CHKA: variants seen among roughly 807,000 people sequenced by gnomAD.
CHKA encodes choline kinase alpha.
A neutral mutation model predicts 60.1 loss-of-function variants in CHKA; 34 were observed. That is an observed-to-expected ratio of 0.57 (90% confidence interval 0.43 to 0.75). The LOEUF (loss-of-function observed/expected upper bound fraction) is 0.75, where lower values mean the gene tolerates loss of function less well. Ranked by LOEUF, CHKA falls within the 30% of genes least tolerant of loss-of-function variation. The probability of loss-of-function intolerance (pLI) is 0.00; values close to 1 mark genes in which losing one functional copy is unlikely to be tolerated. For missense variants in CHKA, 563 were observed against 561.3 expected, an observed-to-expected ratio of 1.00 and a Z score of -0.03; for synonymous variants, 217 against 223.1, an observed-to-expected ratio of 0.97 and a Z score of 0.24.
chr11:68,108,092 G>A (rs767512458), intron 1 of CHKA, among the ~76,000 whole-genome samples: 5 of 152,144 alleles, frequency 3.3e-5, no homozygotes, highest in African/African-American at 4.8e-5. Context: ...GAAGGAGAAC[G>A]TGGGCATCAC....
At chr11:68,064,957 C>T (rs1856390979) in intron 9 of CHKA, among the ~76,000 whole-genome samples, 1 of 152,290 alleles carries the variant, frequency 6.6e-6, no homozygotes, top group African/African-American at 2.4e-5. Flanking sequence ...TACTCAGCTT[C>T]AGCACCGCTA....
At chr11:68,057,250 C>T (rs1209876552) in intron 11 of CHKA, among the ~76,000 whole-genome samples, 1 of 151,618 alleles carries the variant, frequency 6.6e-6, no homozygotes, top group African/African-American at 2.4e-5. Flanking sequence ...CAGCAACTTA[C>T]TCTATTTTTT....
intron 1 of CHKA, among the ~76,000 whole-genome samples, chr11:68,101,689 C>G (rs546235105): frequency 1.3e-5 from 2 of 151,290 alleles, no homozygotes; most frequent in East Asian, 3.9e-4. Flanking sequence ...AGAAATTTAA[C>G]CAAGGAGGTG....
intron 1 of CHKA, among the ~76,000 whole-genome samples, chr11:68,100,865 G>A (rs957885200): frequency 6.8e-5 from 10 of 147,756 alleles, no homozygotes; most frequent in Non-Finnish European, 1.0e-4. Flanking sequence ...AGTGGTGCAC[G>A]CATCACTAAC....
In CHKA at chr11:68,053,905, C is replaced by T. The variant is rs1855895051; in HGVS notation, c.*83G>A. On this transcript the variant is annotated 3_prime_UTR_variant, in exon 12 of 12. Coordinates refer to ENST00000265689, the MANE Select transcript of CHKA (RefSeq NM_001277.3). ...CACCCAAAGCCTCCTGCCACAGGAG[C>T]AGTAGTCGAAGCACAGAGGGGACCC... The T allele has an allele frequency of 6.3e-6, 7 of 1,118,768 alleles. No homozygotes were observed. In the South Asian group the frequency reaches 9.1e-5, roughly 15 times the overall value. The allele number at this position is 1,118,768 out of a possible 1,614,324, so 69.3% of individuals were successfully genotyped here.
chr11:68,081,323 C>T (rs1269079184), intron 3 of CHKA, 81 bp downstream of exon 3: 22 of 1,108,782 alleles, frequency 2.0e-5, no homozygotes, highest in Non-Finnish European at 2.7e-5. Context: ...AGATAAGAGG[C>T]ACTGCCAAGC....
rs1858612417 is a variant in CHKA, at chr11:68,120,879, G to C, written c.299C>G (p.Pro100Arg). 4 of 1,356,944 alleles carry C rather than the reference G, an allele frequency of 2.9e-6. No homozygotes were observed. Among genetic ancestry groups the C allele is most frequent in the Non-Finnish European group, 2.9e-6 (3 of 1,040,860 alleles). 84.1% of individuals were successfully genotyped at this position (1,356,944 alleles called of 1,614,324 possible). Reference protein sequence around the residue: ...RAYLWCKEFLPGAWRGLREDE... With the variant: ...RAYLWCKEFLRGAWRGLREDE... ...CTCGCGGAGGCCCCGCCAGGCGCCG[G>C]GCAGGAACTCCTTGCACCACAGATA... The change falls in exon 1 of 12, where the codon CCC becomes CGC. Residue 100 changes from proline (P) to arginine (R), a missense_variant. Coordinates refer to ENST00000265689, the MANE Select transcript of CHKA (RefSeq NM_001277.3).
intron 1 of CHKA, among the ~76,000 whole-genome samples, chr11:68,119,062 C>G (rs1453996963): frequency 6.6e-6 from 1 of 152,202 alleles, no homozygotes; most frequent in Non-Finnish European, 1.5e-5. Flanking sequence ...CTGATGAGTA[C>G]ATGGCCTAAA....
intron 2 of CHKA, chr11:68,082,655 C>T (rs961394690): frequency 6.6e-6 from 1 of 152,428 alleles, no homozygotes; most frequent in African/African-American, 2.4e-5. Context: ...ACATTACAGA[C>T]GTTTTAATGC....
At chr11:68,113,289 TAAAAA>T (rs1858249346) in intron 1 of CHKA, among the ~76,000 whole-genome samples, 6 of 151,236 alleles carry the variant, frequency 4.0e-5, no homozygotes, top group Admixed American at 2.0e-4. Context: ...CTTAAAAAAA[TAAAAA>T]GGAAAAAGAA....
rs745705209 is a variant in CHKA at position 68,120,968 on chromosome 11, GGGCAGC to G, written c.204_209del (p.Leu69_Pro70del). On this transcript the variant is annotated inframe_deletion, in exon 1 of 12. Coordinates refer to ENST00000265689, the MANE Select transcript of CHKA (RefSeq NM_001277.3). Reference sequence around the variant, plus strand: ...CGGGCGGCTGCGGCGGCGGGGGCTGGGGCAGCGGCAGCGGCAGCGGCAGCGGCGGCG... The same window carrying G: ...CGGGCGGCTGCGGCGGCGGGGGCTGGGGCAGCGGCAGCGGCAGCGGCGGCG... The G allele has an allele frequency of 4.9e-4, 551 of 1,127,954 alleles. 3 individuals carry two copies. The East Asian group carries it at 8.3e-3, about 17-fold the overall frequency. The allele number at this position is 1,127,954 out of a possible 1,614,324, so 69.9% of individuals were successfully genotyped here.
At chr11:68,101,239 C>T (rs1731971527) in intron 1 of CHKA, among the ~76,000 whole-genome samples, 1 of 151,964 alleles carries the variant, frequency 6.6e-6, no homozygotes, top group African/African-American at 2.4e-5. Flanking sequence ...TGAGCCACCA[C>T]GCTGGTCCAA....
At chr11:68,099,332 A>C (rs1276405597) in intron 1 of CHKA, among the ~76,000 whole-genome samples, 6 of 152,266 alleles carry the variant, frequency 3.9e-5, no homozygotes. Context: ...TGTGAACTAT[A>C]TCTCATTTTC....
chr11:68,097,986 A>G (rs992601881), intron 1 of CHKA, among the ~76,000 whole-genome samples: 1 of 152,032 alleles, frequency 6.6e-6, no homozygotes, highest in Admixed American at 6.5e-5. Context: ...AAGACATTAC[A>G]GGAGGTCGGG....
At position 68,074,755 on chromosome 11, in the gene CHKA, CAT is replaced by C; in HGVS notation, c.590_591del (p.Tyr197TrpfsTer20). The C allele has an allele frequency of 6.2e-7, 1 of 1,614,172 alleles. No individual in the cohort carries two copies. Among genetic ancestry groups the C allele is most frequent in the Non-Finnish European group, 8.5e-7 (1 of 1,180,038 alleles). On this transcript the variant is annotated frameshift_variant, in exon 4 of 12. Transcript: ENST00000265689. LOFTEE classifies it high-confidence loss of function. ...LAERSLGPKL[Y>X]GIFPQGRLEQ... Reference sequence around the variant, plus strand: ...TCCAGTCGGCCTTGGGGAAAGATGCCATAGAGTTTTGGCCCAAGTGACCTCTC... The same window carrying C: ...TCCAGTCGGCCTTGGGGAAAGATGCCAGAGTTTTGGCCCAAGTGACCTCTC...
intron 1 of CHKA, among the ~76,000 whole-genome samples, chr11:68,120,601 T>C (rs1858589275): frequency 6.6e-6 from 1 of 152,194 alleles, no homozygotes; most frequent in African/African-American, 2.4e-5. Flanking sequence ...TACAAAAGCC[T>C]GTTTGTGGAC....
At position 68,081,468 on chromosome 11, in the gene CHKA, G is replaced by A. The variant is rs926583530; in HGVS notation, c.463-11C>T. 1.2e-6 allele frequency: 2 copies of A among 1,609,238 alleles called. No individual in the cohort carries two copies. The highest frequency in any genetic ancestry group is 1.7e-6 in the Non-Finnish European group (2 of 1,176,050). On this transcript the variant is annotated splice_polypyrimidine_tract_variant and intron_variant, in intron 2 of 11. Transcript: ENST00000265689. The stretch of plus-strand genomic sequence containing the variant: ...TTTATTACAGGACCTCTATGAATGA[G>A]AAAAAGGAAACACTTCTGGTGAGAT...
At chr11:68,076,108 G>A (rs1480823574) in intron 3 of CHKA, among the ~76,000 whole-genome samples, 1 of 152,122 alleles carries the variant, frequency 6.6e-6, no homozygotes, top group Non-Finnish European at 1.5e-5. Flanking sequence ...CATTTTGTGG[G>A]GGTAAATGGA....
rs1858634085 is a variant in CHKA, at chr11:68,121,156, C to G, written c.22G>C (p.Gly8Arg). Residue 8 changes from glycine to arginine, a missense_variant, in exon 1 of 12, where the codon GGG (glycine) becomes CGG (arginine). Transcript: ENST00000265689. MKTKFCT[G>R]GEAEPSPLGL... Reference sequence around the variant, plus strand: ...AGCGGCGAGGGCTCCGCCTCGCCCCCGGTGCAGAATTTGGTTTTCATGCCC... The same window carrying G: ...AGCGGCGAGGGCTCCGCCTCGCCCCGGGTGCAGAATTTGGTTTTCATGCCC... The G allele has an allele frequency of 1.7e-6, 2 of 1,208,908 alleles. No individual in the cohort carries two copies. Among genetic ancestry groups the G allele is most frequent in the Non-Finnish European group, 2.1e-6 (2 of 964,388 alleles). 74.9% of individuals were successfully genotyped at this position (1,208,908 alleles called of 1,614,324 possible).
Sources: allele counts gnomAD v4.1 joint callset (sites outside exome capture counted in the v4.1 genomes callset), GRCh38; gene constraint gnomAD v4.1.1; transcripts MANE v1.5; gene names NCBI Gene and HGNC (gene_info 2026-07-23, HGNC 2026-07-21).